Variants in PSTPIP2 observed in about 807,000 individuals in gnomAD.
The protein encoded by PSTPIP2 is proline-serine-threonine phosphatase-interacting protein 2.
Under a neutral mutation model 63.3 loss-of-function variants are expected in PSTPIP2, and 33 were observed. That is an observed-to-expected ratio of 0.52 (90% CI 0.40 to 0.70). The LOEUF is 0.70. Ranked by LOEUF, PSTPIP2 falls within the 30% of genes least tolerant of loss-of-function variation. The probability of loss-of-function intolerance (pLI) is 0.00; values close to 1 mark genes in which losing one functional copy is unlikely to be tolerated. For synonymous variants in PSTPIP2, 125 were observed against 132.7 expected, an observed-to-expected ratio of 0.94 and a Z score of 0.40; for missense variants, 312 against 400.7, an observed-to-expected ratio of 0.78 and a Z score of 1.89.
chr18:46,062,848 G>A (rs1447623879), intron 1 of PSTPIP2, among the ~76,000 whole-genome samples: 1 of 152,088 alleles, frequency 6.6e-6, no homozygotes, highest in African/African-American at 2.4e-5. Flanking sequence ...AGGAGAGTAG[G>A]TCAGTCTGTT....
rs78648560 is a variant in PSTPIP2, at chr18:46,017,009, G to T, written c.213-1072C>A. The stretch of plus-strand genomic sequence containing the variant: ...TGCCATATTCTTTGCTCACTATTCC[G>T]TCTTGCACCTCAGACCTTTTGTCCT... On this transcript the variant is annotated intron_variant, in intron 3 of 14. Transcript: ENST00000409746. Among the ~76,000 whole-genome samples the T allele has an allele frequency of 5.3e-3, 812 of 152,018 alleles. 9 individuals are homozygous for T. Among genetic ancestry groups the T allele is most frequent in the Middle Eastern group, 0.014 (4 of 294 alleles).
intron 14 of PSTPIP2, 98 bp from the exon 15 acceptor site, chr18:45,985,548 G>A (rs60116181): frequency 0.15 from 192,524 of 1,298,366 alleles, 21,320 homozygotes; most frequent in African/African-American, 0.5. Flanking sequence ...AAGGGTGCAG[G>A]CCAAGGAAAA....
At chr18:46,061,395 C>T (rs1568233194) in intron 1 of PSTPIP2, among the ~76,000 whole-genome samples, 1 of 151,928 alleles carries the variant, frequency 6.6e-6, no homozygotes, top group Non-Finnish European at 1.5e-5. Context: ...TCAAAGGAAG[C>T]AGATGAGATG....
In PSTPIP2 at chr18:46,046,910, G is replaced by A. The variant is rs186816250; in HGVS notation, c.34-6863C>T. ...GCTGCAGTTTGGTGCCTGGGCACAG[G>A]GTGCATAAGTGCGCTGCACTTTGCA... is the stretch of plus-strand genomic sequence containing the variant. On this transcript the variant is annotated intron_variant, in intron 1 of 14. Transcript: ENST00000409746. Among the ~76,000 whole-genome samples, 502 of 152,348 alleles carry A rather than the reference G, an allele frequency of 3.3e-3. 3 individuals carry two copies. The highest frequency in any genetic ancestry group is 0.012 in the African/African-American group (479 of 41,582).
chr18:46,014,451 C>T lies in PSTPIP2; in HGVS notation c.247+1452G>A, dbSNP rs76321206. 5.4e-3 allele frequency among the ~76,000 whole-genome samples: 815 copies of T among 152,300 alleles called. 9 individuals carry two copies. The highest frequency in any genetic ancestry group is 0.014 in the Middle Eastern group (4 of 294). ...CTCAATGGCTGAGCGCAGCGTCTCA[C>T]ACCTGTAATCTCAGCACTTTGGGAG... On this transcript the variant is annotated intron_variant, in intron 4 of 14. Transcript: ENST00000409746.
chr18:46,029,281 A>G, intron 2 of PSTPIP2: 1 of 1,414,468 alleles, frequency 7.1e-7, no homozygotes, highest in South Asian at 1.2e-5. Flanking sequence ...TTGCTCATAA[A>G]TGGCATTGCT....
In PSTPIP2 at chr18:45,992,004, C is replaced by T. The variant is rs760219270; in HGVS notation, c.839-21G>A. ...GGGTGCTAGGAGAGTCACCAAGAAA[C>T]AGGACATGAAGAGGCAGGCGTCTTT... On this transcript the variant is annotated intron_variant, in intron 11 of 14. Transcript: ENST00000409746. 7 of 1,603,706 alleles carry T rather than the reference C, an allele frequency of 4.4e-6. No individual in the cohort carries two copies. The African/African-American group carries it at 5.4e-5, about 12-fold the overall frequency.
At chr18:46,052,936 T>G (rs893047852) in intron 1 of PSTPIP2, among the ~76,000 whole-genome samples, 1 of 152,332 alleles carries the variant, frequency 6.6e-6, no homozygotes, top group South Asian at 2.1e-4. Context: ...TATCATTAAT[T>G]TCCATCTTTT....
At position 46,040,040 on chromosome 18, in the gene PSTPIP2, T is replaced by G; in HGVS notation, c.41A>C (p.Asp14Ala). ...SLFKGNFWSADILSTIGYDNI... is the reference protein window; with the variant it reads ...SLFKGNFWSAAILSTIGYDNI... ...GTCATAGCCGATGGTGCTGAGGATG[T>G]CTGCACTCTGGGGGAAAGACAACAT... Residue 14 changes from aspartate (D) to alanine (A), a missense_variant, in exon 2 of 15, where the codon GAC becomes GCC. Transcript: ENST00000409746. 1 of 1,604,476 alleles carries G rather than the reference T, an allele frequency of 6.2e-7. No individual in the cohort carries two copies. Among genetic ancestry groups the G allele is most frequent in the Non-Finnish European group, 8.5e-7 (1 of 1,174,910 alleles).
Position 46,003,055 on chromosome 18 carries a change from G to A in PSTPIP2, c.417+2414C>T, listed in dbSNP as rs1217861650. Among the ~76,000 whole-genome samples, 4 of 152,286 alleles carry A rather than the reference G, an allele frequency of 2.6e-5. No individual in the cohort carries two copies. The East Asian group carries it at 5.8e-4, about 22-fold the overall frequency. On this transcript the variant is annotated intron_variant, in intron 6 of 14. Coordinates refer to ENST00000409746, the MANE Select transcript of PSTPIP2 (RefSeq NM_024430.4). ...TCCTCAGGACACCACTCCAGCAGGGGAAGGTGAGGCATCATCTCATTACTG... is the reference window on the plus strand; with the variant it reads ...TCCTCAGGACACCACTCCAGCAGGGAAAGGTGAGGCATCATCTCATTACTG...
At position 45,992,105 on chromosome 18, in the gene PSTPIP2, C is replaced by T. The variant is rs1352484918; in HGVS notation, c.838+1G>A. ...ACTCCCCACCCCACTGCCCCATTCA[C>T]CTGGTGGAATCTGTCCAGTTTTGCG... On this transcript the variant is annotated splice_donor_variant, in intron 11 of 14. Transcript: ENST00000409746. LOFTEE classifies it high-confidence loss of function. 2.5e-6 allele frequency: 4 copies of T among 1,606,352 alleles called. No homozygotes were observed. Among genetic ancestry groups the T allele is most frequent in the Non-Finnish European group, 3.4e-6 (4 of 1,175,590 alleles).
At position 46,040,055 on chromosome 18, in the gene PSTPIP2, A is replaced by G. The variant is rs1908135058; in HGVS notation, c.34-8T>C. 6.3e-7 allele frequency: 1 copy of G among 1,586,368 alleles called. No homozygotes were observed. The highest frequency in any genetic ancestry group is 1.1e-5 in the South Asian group (1 of 87,806). ...GCTGAGGATGTCTGCACTCTGGGGG[A>G]AAGACAACATGGCATCAGACCAGGA... On this transcript the variant is annotated splice_polypyrimidine_tract_variant and splice_region_variant and intron_variant, in intron 1 of 14. Transcript: ENST00000409746.
In PSTPIP2 at chr18:46,040,040, T is replaced by C. The variant is rs1289153094; in HGVS notation, c.41A>G (p.Asp14Gly). 18 of 1,604,358 alleles carry C rather than the reference T, an allele frequency of 1.1e-5. No individual in the cohort carries two copies. The highest frequency in any genetic ancestry group is 1.4e-5 in the Non-Finnish European group (17 of 1,174,918). The part of the protein sequence containing the change: ...SLFKGNFWSA[D>G]ILSTIGYDNI... ...GTCATAGCCGATGGTGCTGAGGATGTCTGCACTCTGGGGGAAAGACAACAT... is the reference window on the plus strand; with the variant it reads ...GTCATAGCCGATGGTGCTGAGGATGCCTGCACTCTGGGGGAAAGACAACAT... Residue 14 changes from aspartate (D) to glycine (G), a missense_variant, in exon 2 of 15, where the codon GAC (aspartate) becomes GGC (glycine). Coordinates refer to ENST00000409746, the MANE Select transcript of PSTPIP2 (RefSeq NM_024430.4).
intron 6 of PSTPIP2, among the ~76,000 whole-genome samples, chr18:46,004,970 C>A (rs541555263): frequency 6.6e-6 from 1 of 152,118 alleles, no homozygotes; most frequent in Non-Finnish European, 1.5e-5. Context: ...AAATGCCAAT[C>A]AATGACAGAC....
chr18:46,040,514 C>T (rs1415530124), intron 1 of PSTPIP2, among the ~76,000 whole-genome samples: 1 of 152,150 alleles, frequency 6.6e-6, no homozygotes, highest in Non-Finnish European at 1.5e-5. Flanking sequence ...TTCCTAAGCC[C>T]CTAACTCACT....
intron 3 of PSTPIP2, among the ~76,000 whole-genome samples, chr18:46,021,661 T>A (rs1029903206): frequency 6.6e-6 from 1 of 151,122 alleles, no homozygotes; most frequent in Non-Finnish European, 1.5e-5. Context: ...AACTGAGAAT[T>A]TGGGCCAGAG....
chr18:46,030,189 C>CA (rs1306684458), intron 2 of PSTPIP2, among the ~76,000 whole-genome samples: 3 of 152,196 alleles, frequency 2.0e-5, no homozygotes, highest in Non-Finnish European at 2.9e-5. Context: ...CACCATTACT[C>CA]AGACTTCTAA....
At chr18:46,050,249 A>G (rs377556663) in intron 1 of PSTPIP2, among the ~76,000 whole-genome samples, 1 of 152,340 alleles carries the variant, frequency 6.6e-6, no homozygotes, top group Admixed American at 6.5e-5. Flanking sequence ...AGATTTGTAC[A>G]CAAGGATGTT....
At chr18:45,998,318 GCAAATGC>G (rs1330824803) in intron 8 of PSTPIP2, among the ~76,000 whole-genome samples, 1 of 152,206 alleles carries the variant, frequency 6.6e-6, no homozygotes, top group African/African-American at 2.4e-5. Flanking sequence ...AGAAGCTTTT[GCAAATGC>G]CTGGTTTGGG....
Sources: allele counts gnomAD v4.1 joint callset (sites outside exome capture counted in the v4.1 genomes callset), GRCh38; gene constraint gnomAD v4.1.1; transcripts MANE v1.5; gene names NCBI Gene and HGNC (gene_info 2026-07-23, HGNC 2026-07-21).